The following XIAP variants were observed in gnomAD, a reference collection of about 807,000 sequenced individuals.
XIAP encodes E3 ubiquitin-protein ligase XIAP.
In XIAP, 3 loss-of-function variants were observed where a neutral mutation model predicts 33.1. That is an observed-to-expected ratio of 0.09 (90% CI 0.04 to 0.23). XIAP has a LOEUF of 0.23. Among genes scored for constraint, XIAP ranks in the 10% least tolerant of loss-of-function variants. The pLI is 1.00. For missense variants in XIAP, 264 were observed against 363.0 expected, an observed-to-expected ratio of 0.73 and a Z score of 2.22; for synonymous variants, 98 against 121.3, an observed-to-expected ratio of 0.81 and a Z score of 1.26.
intron 1 of XIAP, among the ~76,000 whole-genome samples, chrX:123,866,974 G>A (rs1196017641): frequency 2.1e-5 from 2 of 96,548 alleles, no homozygotes; most frequent in African/African-American, 4.0e-5. Context: ...AGAGATATGT[G>A]TTTATTATAG....
intron 5 of XIAP, among the ~76,000 whole-genome samples, chrX:123,894,620 T>C (rs1356201142): frequency 9.1e-6 from 1 of 110,306 alleles, no homozygotes; most frequent in African/African-American, 3.3e-5. Flanking sequence ...AATACAAAAT[T>C]AGCTGAGTGT....
chrX:123,884,254 C>T (rs957848542), intron 1 of XIAP, among the ~76,000 whole-genome samples: 11 of 111,646 alleles, frequency 9.9e-5, no homozygotes, highest in Non-Finnish European at 1.1e-4. Context: ...AAGGCCGAGG[C>T]GGGCAGATCA....
At position 123,913,305 on chromosome X, in the gene XIAP, GTACAAAAA is replaced by G. The variant is rs1175827046; in HGVS notation, c.*6135_*6142del. 6 of 325,932 alleles carry G rather than the reference GTACAAAAA, an allele frequency of 1.8e-5. No homozygotes were observed. The highest frequency in any genetic ancestry group is 3.5e-5 in the Non-Finnish European group (6 of 169,099). 26.9% of individuals were successfully genotyped at this position (325,932 alleles called of 1,213,427 possible). On this transcript the variant is annotated 3_prime_UTR_variant, in exon 7 of 7. Coordinates refer to ENST00000371199, the MANE Select transcript of XIAP (RefSeq NM_001167.4). ...TGGCCAACATGCTGAAACCCTGTCT[GTACAAAAA>G]TACAAAAATAGCTGGGCATGGTGGC...
chrX:123,863,779 G>A (rs755058689), intron 1 of XIAP, among the ~76,000 whole-genome samples: 3 of 111,475 alleles, frequency 2.7e-5, no homozygotes, highest in Admixed American at 9.6e-5. Context: ...GAAAAAGTGA[G>A]TCACTGCACC....
intron 3 of XIAP, among the ~76,000 whole-genome samples, chrX:123,890,952 A>AAG (rs2148095914): frequency 9.0e-6 from 1 of 111,034 alleles, no homozygotes; most frequent in East Asian, 2.8e-4. Context: ...AAAAAAAAAA[A>AAG]AAATAACAAA....
At chrX:123,903,785 G>A (rs1417072210) in intron 6 of XIAP, among the ~76,000 whole-genome samples, 2 of 107,929 alleles carry the variant, frequency 1.9e-5, no homozygotes, top group Non-Finnish European at 3.8e-5. Context: ...TTGCAAAACC[G>A]AAACTCTACA....
chrX:123,913,674 T>G lies in XIAP; in HGVS notation c.*6493T>G, dbSNP rs767519464. On this transcript the variant is annotated 3_prime_UTR_variant, in exon 7 of 7. Coordinates refer to ENST00000371199, the MANE Select transcript of XIAP (RefSeq NM_001167.4). ...TTAGTAAGAAATTTGCAGTTTTGGT[T>G]TGATGTAACAAGGGTTTTAATGTAA... 9 of 323,482 alleles carry G rather than the reference T, an allele frequency of 2.8e-5. No individual in the cohort carries two copies. The Admixed American group carries it at 2.9e-4, about 10-fold the overall frequency. 26.7% of individuals were successfully genotyped at this position (323,482 alleles called of 1,213,427 possible).
chrX:123,889,061 GGCACCCGCCACTGCCACCAT>G (rs1466749115), intron 3 of XIAP, among the ~76,000 whole-genome samples: 1 of 105,478 alleles, frequency 9.5e-6, no homozygotes, highest in Non-Finnish European at 1.9e-5. Context: ...TGGGATTACA[GGCACCCGCCACTGCCACCAT>G]GCCTGGCTAA....
chrX:123,865,993 G>A (rs1443560442), intron 1 of XIAP, among the ~76,000 whole-genome samples: 1 of 106,913 alleles, frequency 9.4e-6, no homozygotes, highest in Non-Finnish European at 1.9e-5. Context: ...GAGCTGGAGT[G>A]CAATGGCTGC....
In XIAP at chrX:123,910,734, G is replaced by A. The variant is rs1313424729; in HGVS notation, c.*3553G>A. 2 of 279,463 alleles carry A rather than the reference G, an allele frequency of 7.2e-6. No individual in the cohort carries two copies. The highest frequency in any genetic ancestry group is 5.7e-5 in the African/African-American group (2 of 35,045). The allele number at this position is 279,463 out of a possible 1,213,427, so 23.0% of individuals were successfully genotyped here. ...AAACAGAAAATTAGCCGGGCGTGGT[G>A]GCGGGCGCCTGTAGTCCCAGCTACT... On this transcript the variant is annotated 3_prime_UTR_variant, in exon 7 of 7. Transcript: ENST00000371199.
In XIAP at chrX:123,910,659, G is replaced by A. The variant is rs913050479; in HGVS notation, c.*3478G>A. 6.2e-6 allele frequency: 2 copies of A among 320,493 alleles called. No individual in the cohort carries two copies. The highest frequency in any genetic ancestry group is 6.4e-5 in the Admixed American group (2 of 31,234). 26.4% of individuals were successfully genotyped at this position (320,493 alleles called of 1,213,427 possible). A position where few individuals can be genotyped will look rare whatever the true frequency, so the allele number is the denominator to read the frequency against. On this transcript the variant is annotated 3_prime_UTR_variant, in exon 7 of 7. Transcript: ENST00000371199. The stretch of plus-strand genomic sequence containing the variant: ...CTGAGGCAGGTGGATCACGAGGTCA[G>A]GAGATCGAGACCATCCTGGCTAACA...
Position 123,867,671 on chromosome X carries a change from C to CT in XIAP, c.-33+7397dup, listed in dbSNP as rs747177182. 5.4e-3 allele frequency among the ~76,000 whole-genome samples: 363 copies of CT among 66,872 alleles called. 10 individuals carry two copies. Among genetic ancestry groups the CT allele is most frequent in the African/African-American group, 0.013 (207 of 15,422 alleles). 58.1% of individuals were successfully genotyped at this position (66,872 alleles called of 115,157 possible). A position where few individuals can be genotyped will look rare whatever the true frequency, so the allele number is the denominator to read the frequency against. On this transcript the variant is annotated intron_variant, in intron 1 of 6. Transcript: ENST00000371199. ...ACAGGTGTGAGCCCCCGTACCTGGC[C>CT]TTTTTTTTTTTTTTTTTTTGAGACG...
At chrX:123,863,267 A>G (rs962404652) in intron 1 of XIAP, among the ~76,000 whole-genome samples, 2 of 110,352 alleles carry the variant, frequency 1.8e-5, no homozygotes, top group Non-Finnish European at 3.8e-5. Flanking sequence ...CCTGGCTAAC[A>G]TGGTGAAACC....
In XIAP at chrX:123,893,615, G is replaced by A. The variant is rs1464038240; in HGVS notation, c.1099+842G>A. ...GCAGTGGCTGACACCTGTAATCCCA[G>A]CACTTTGGGAGGCCGAGGAGCTCAA... On this transcript the variant is annotated intron_variant, in intron 5 of 6. Coordinates refer to ENST00000371199, the MANE Select transcript of XIAP (RefSeq NM_001167.4). Among the ~76,000 whole-genome samples the A allele has an allele frequency of 2.7e-5, 3 of 112,003 alleles. No individual in the cohort carries two copies. The East Asian group carries it at 8.5e-4, about 32-fold the overall frequency.
chrX:123,888,603 CTG>C lies in XIAP; in HGVS notation c.878-10_878-9del, dbSNP rs1569478170. On this transcript the variant is annotated splice_polypyrimidine_tract_variant and intron_variant, in intron 2 of 6. Transcript: ENST00000371199. ...TCTAATTGCACAAATACATATATTC[CTG>C]TGTGTTTTCGTAGGTGAAGGTGATA... 8 of 1,189,834 alleles carry C rather than the reference CTG, an allele frequency of 6.7e-6. No individual in the cohort carries two copies. Among genetic ancestry groups the C allele is most frequent in the Non-Finnish European group, 9.1e-6 (8 of 876,200 alleles).
At chrX:123,876,221 CT>C (rs67901381) in intron 1 of XIAP, among the ~76,000 whole-genome samples, 36,864 of 101,215 alleles carry the variant, frequency 0.36, 5,204 homozygotes, top group African/African-American at 0.41. Context: ...CCTCATGCTG[CT>C]TTTTTTTTTT....
chrX:123,869,891 GAGA>G lies in XIAP; in HGVS notation c.-33+9602_-33+9604del, dbSNP rs752331707. ...TATCAAAGGTAACATCGTGAAAGAAGAGAAGATGAGCTATAGAATCACACAAGC... is the reference window on the plus strand; with the variant it reads ...TATCAAAGGTAACATCGTGAAAGAAGAGATGAGCTATAGAATCACACAAGC... On this transcript the variant is annotated intron_variant, in intron 1 of 6. Transcript: ENST00000371199. Among the ~76,000 whole-genome samples the G allele has an allele frequency of 4.7e-4, 53 of 112,803 alleles. 1 individual carries two copies. Among genetic ancestry groups the G allele is most frequent in the Non-Finnish European group, 6.6e-4 (35 of 53,388 alleles).
Position 123,908,848 on chromosome X carries a change from CAACA to C in XIAP, c.*1671_*1674del, listed in dbSNP as rs1445358928. The C allele has an allele frequency of 2.9e-6, 1 of 347,688 alleles. No individual in the cohort carries two copies. Among genetic ancestry groups the C allele is most frequent in the Non-Finnish European group, 5.5e-6 (1 of 181,786 alleles). The allele number at this position is 347,688 out of a possible 1,213,427, so 28.7% of individuals were successfully genotyped here. ...CAGGGTTTACATTACAAGATTCTCA[CAACA>C]AACCTATTGTAGAGGTGAGTAAGGC... On this transcript the variant is annotated 3_prime_UTR_variant, in exon 7 of 7. Transcript: ENST00000371199.
At chrX:123,867,740 C>T (rs1425672214) in intron 1 of XIAP, among the ~76,000 whole-genome samples, 1 of 93,545 alleles carries the variant, frequency 1.1e-5, no homozygotes, top group Non-Finnish European at 2.0e-5. Flanking sequence ...TTGGTGCAAT[C>T]TCAGCTCACT....
Sources: gnomAD v4.1 joint callset for allele counts (sites outside exome capture counted in the v4.1 genomes callset) on GRCh38, gnomAD v4.1.1 for gene constraint, MANE v1.5 for transcripts, NCBI Gene and HGNC (gene_info 2026-07-23, HGNC 2026-07-21) for gene names.